VWDE: variants seen among roughly 807,000 people sequenced by gnomAD.
The protein encoded by VWDE is von Willebrand factor D and EGF domain-containing protein.
Under a neutral mutation model 178.4 loss-of-function variants are expected in VWDE, and 207 were observed. The observed-to-expected ratio is 1.16, with a 90% confidence interval of 1.04 to 1.30. VWDE has a LOEUF of 1.30. Among genes scored for constraint, VWDE ranks in the 50% most tolerant of loss-of-function variants. VWDE has a pLI of 0.00. For missense variants in VWDE, 2,287 were observed against 1,901.3 expected (o/e 1.20, Z -3.77); for synonymous variants, 738 against 651.4 (o/e 1.13, Z -2.02).
chr7:12,341,859 T>A (rs562830961), intron 23 of VWDE, among the ~76,000 whole-genome samples, 200 bp downstream of exon 23: 1 of 152,292 alleles, frequency 6.6e-6, no homozygotes, highest in African/African-American at 2.4e-5. Context: ...ACAGTAAAGC[T>A]GTAAGACACC....
At chr7:12,333,421 A>G in intron 28 of VWDE, 44 bp downstream of exon 28, 1 of 1,200,100 alleles carries the variant, frequency 8.3e-7, no homozygotes, top group Non-Finnish European at 1.2e-6. Flanking sequence ...AGATATGCAA[A>G]TGTCAATGTC....
At chr7:12,398,112 C>T (rs778752304) in intron 1 of VWDE, among the ~76,000 whole-genome samples, 7 of 152,136 alleles carry the variant, frequency 4.6e-5, no homozygotes, top group South Asian at 4.1e-4. Flanking sequence ...TGTACTGGTA[C>T]GTTCATCCCA....
rs1389978855 is a variant in VWDE, at chr7:12,344,354, T to G, written c.3982+20A>C. ...ACCAAATACAATTTATCATGCAAAC[T>G]AATGAATGATGTTACCTACCAGTTT... On this transcript the variant is annotated intron_variant, in intron 20 of 28. Transcript: ENST00000275358. 1 of 1,549,000 alleles carries G rather than the reference T, an allele frequency of 6.5e-7. No individual in the cohort carries two copies. The highest frequency in any genetic ancestry group is 1.2e-5 in the South Asian group (1 of 83,974).
At chr7:12,401,060 T>A in intron 1 of VWDE, among the ~76,000 whole-genome samples, 1 of 152,136 alleles carries the variant, frequency 6.6e-6, no homozygotes, top group East Asian at 1.9e-4. Flanking sequence ...GGAAGTTTCC[T>A]CAACTTGATA....
intron 26 of VWDE, 60 bp downstream of exon 26, chr7:12,336,928 C>G (rs76919232): frequency 6.9e-7 from 1 of 1,439,648 alleles, no homozygotes; most frequent in Non-Finnish European, 9.3e-7. Flanking sequence ...CTGTTTTAAA[C>G]TCTGCTTTAC....
chr7:12,372,866 A>G (rs1299175901), intron 10 of VWDE, 111 bp downstream of exon 10: 4 of 1,065,712 alleles, frequency 3.8e-6, no homozygotes, highest in African/African-American at 1.6e-5. Flanking sequence ...TATAAATGCT[A>G]TTTTCTTAAA....
intron 3 of VWDE, among the ~76,000 whole-genome samples, chr7:12,384,703 C>T (rs16877414): frequency 0.013 from 2,024 of 152,136 alleles, 55 homozygotes; most frequent in African/African-American, 0.044. Flanking sequence ...GTAATCAATT[C>T]CCCATACTCA....
chr7:12,331,510 T>C (rs1291765175), intron 28 of VWDE, among the ~76,000 whole-genome samples: 2 of 152,248 alleles, frequency 1.3e-5, no homozygotes, highest in African/African-American at 4.8e-5. Flanking sequence ...CCACTGATAC[T>C]CATAACACAT....
At chr7:12,374,903 T>C in intron 8 of VWDE, 107 bp downstream of exon 8, 2 of 1,247,880 alleles carry the variant, frequency 1.6e-6, no homozygotes, top group Non-Finnish European at 1.1e-6. Context: ...ATTTAAAAAC[T>C]AATTTACCAA....
chr7:12,363,888 C>T (rs1782714473), intron 13 of VWDE, among the ~76,000 whole-genome samples: 1 of 151,976 alleles, frequency 6.6e-6, no homozygotes, highest in Non-Finnish European at 1.5e-5. Context: ...AAACAGATAA[C>T]CACTCTAAAC....
rs1232215732 is a variant in VWDE, at chr7:12,344,391, C to T, written c.3965G>A (p.Gly1322Asp). ...NICKCKPGYI[G>D]SNCQTALCDP... is the part of the protein sequence containing the mutation. Reference sequence around the variant, plus strand: ...TTACCTACCAGTTTGGCAGTTAGAACCAATGTAACCAGGTTTACATTTGCA... The same window carrying T: ...TTACCTACCAGTTTGGCAGTTAGAATCAATGTAACCAGGTTTACATTTGCA... The change falls in exon 20 of 29, where the codon GGT (glycine) becomes GAT (aspartate). Residue 1322 changes from glycine (G) to aspartate (D), a missense_variant. Physicochemically the swap from Gly to Asp is moderately conservative, Grantham distance 94. Transcript: ENST00000275358. 4.5e-6 allele frequency: 7 copies of T among 1,550,784 alleles called. No homozygotes were observed. The highest frequency in any genetic ancestry group is 6.1e-6 in the Non-Finnish European group (7 of 1,146,570).
At chr7:12,402,622 A>T (rs1392338860) in intron 1 of VWDE, among the ~76,000 whole-genome samples, 1 of 152,240 alleles carries the variant, frequency 6.6e-6, no homozygotes, top group African/African-American at 2.4e-5. Context: ...ATGAACAGAT[A>T]TATGTTATTA....
In VWDE at chr7:12,347,946, C is replaced by A. The variant is rs532808008; in HGVS notation, c.3887-3477G>T. 3.9e-3 allele frequency among the ~76,000 whole-genome samples: 587 copies of A among 152,196 alleles called. 1 individual carries two copies. Among genetic ancestry groups the A allele is most frequent in the Non-Finnish European group, 6.5e-3 (440 of 68,014 alleles). ...GTATCTACAACTATCTGATCTTTGACAAACCTGACAAAAACAAGCAATGGG... is the reference window on the plus strand; with the variant it reads ...GTATCTACAACTATCTGATCTTTGAAAAACCTGACAAAAACAAGCAATGGG... On this transcript the variant is annotated intron_variant, in intron 19 of 28. Coordinates refer to ENST00000275358, the MANE Select transcript of VWDE (RefSeq NM_001135924.3).
At chr7:12,381,582 A>G (rs894093007) in intron 4 of VWDE, among the ~76,000 whole-genome samples, 2 of 152,046 alleles carry the variant, frequency 1.3e-5, no homozygotes, top group Admixed American at 1.3e-4. Flanking sequence ...ATGTACTTTT[A>G]GATATTTTAC....
chr7:12,341,941 C>T (rs1781355226), intron 23 of VWDE, 118 bp downstream of exon 23: 2 of 686,572 alleles, frequency 2.9e-6, no homozygotes, highest in South Asian at 4.2e-5. Context: ...ATAACAACTT[C>T]ATACCTATCT....
chr7:12,357,422 T>A lies in VWDE; in HGVS notation c.3368A>T (p.Glu1123Val). 1 of 1,551,950 alleles carries A rather than the reference T, an allele frequency of 6.4e-7. No homozygotes were observed. The highest frequency in any genetic ancestry group is 8.7e-7 in the Non-Finnish European group (1 of 1,147,062). ...FEYQFVAFDP[E>V]GSDIHFTLDS... ...CAACGTAAAATGGATGTCAGAACCT[T>A]CTGGATCGAAGGCCACGAACTGATA... Residue 1123 changes from glutamate to valine, a missense_variant, in exon 17 of 29, where the codon GAA becomes GTA. By Grantham distance (121) the Glu-to-Val change is moderately radical. Coordinates refer to ENST00000275358, the MANE Select transcript of VWDE (RefSeq NM_001135924.3).
chr7:12,391,153 AATAAG>A (rs1784371983), intron 2 of VWDE, among the ~76,000 whole-genome samples: 1 of 152,212 alleles, frequency 6.6e-6, no homozygotes, highest in African/African-American at 2.4e-5. Flanking sequence ...ACGAAATATA[AATAAG>A]ATAAAACAAT....
chr7:12,354,130 A>G lies in VWDE; in HGVS notation c.3745+1981T>C, dbSNP rs535399204. Reference sequence around the variant, plus strand: ...ATCAAAAGACACAGAACACTTTATTATACTCTGTAATTACTAGTCATATTC... The same window carrying G: ...ATCAAAAGACACAGAACACTTTATTGTACTCTGTAATTACTAGTCATATTC... On this transcript the variant is annotated intron_variant, in intron 18 of 28. Coordinates refer to ENST00000275358, the MANE Select transcript of VWDE (RefSeq NM_001135924.3). The G allele has an allele frequency of 1.1e-4, 24 of 217,750 alleles. No individual in the cohort carries two copies. The South Asian group carries it at 1.4e-3, about 13-fold the overall frequency. The allele number at this position is 217,750 out of a possible 1,614,324, so 13.5% of individuals were successfully genotyped here. A position where few individuals can be genotyped will look rare whatever the true frequency, so the allele number is the denominator to read the frequency against.
chr7:12,333,190 T>C (rs1457538870), intron 28 of VWDE, among the ~76,000 whole-genome samples: 1 of 152,200 alleles, frequency 6.6e-6, no homozygotes, highest in Non-Finnish European at 1.5e-5. Context: ...ATCTATATTG[T>C]GGAACATTTG....
Sources: allele counts gnomAD v4.1 joint callset (sites outside exome capture counted in the v4.1 genomes callset), GRCh38; gene constraint gnomAD v4.1.1; transcripts MANE v1.5; gene names NCBI Gene and HGNC (gene_info 2026-07-23, HGNC 2026-07-21).